Variants in GRAMD1B observed in about 807,000 individuals in gnomAD.
GRAMD1B encodes protein Aster-B.
In GRAMD1B, 37 loss-of-function variants were observed where a neutral mutation model predicts 99.7. The ratio of observed to expected loss-of-function variants is 0.37; its 90% CI spans 0.29 to 0.49. GRAMD1B has a LOEUF of 0.49. GRAMD1B is among the 20% of genes least tolerant of loss of function. The probability of loss-of-function intolerance (pLI) is 0.98; values close to 1 mark genes in which losing one functional copy is unlikely to be tolerated. For missense variants in GRAMD1B, 888 were observed against 1,009.2 expected, an observed-to-expected ratio of 0.88 and a Z score of 1.63; for synonymous variants, 427 against 387.6, an observed-to-expected ratio of 1.10 and a Z score of -1.19.
chr11:123,570,350 G>A (rs1009690427), intron 2 of GRAMD1B, among the ~76,000 whole-genome samples: 1 of 151,966 alleles, frequency 6.6e-6, no homozygotes, highest in Non-Finnish European at 1.5e-5. Flanking sequence ...CAACACCTCT[G>A]AGGAAAGTGG....
chr11:123,425,639 G>A (rs1007960618), upstream of GRAMD1B, among the ~76,000 whole-genome samples: 10 of 152,188 alleles, frequency 6.6e-5, no homozygotes, highest in Admixed American at 6.5e-4. Context: ...CCAAGGTTGA[G>A]AGCACTGCCC....
At chr11:123,608,625 C>G (rs1953077376) in intron 11 of GRAMD1B, 34 bp from the exon 12 acceptor site, 1 of 1,569,644 alleles carries the variant, frequency 6.4e-7, no homozygotes, top group Non-Finnish European at 8.6e-7. Flanking sequence ...CCTCCGCTGT[C>G]ACTGTCTACT....
rs1202871808 is a variant in GRAMD1B, at chr11:123,430,518, G to C, written c.-275G>C. 1 of 437,236 alleles carries C rather than the reference G, an allele frequency of 2.3e-6. No individual in the cohort carries two copies. The highest frequency in any genetic ancestry group is 3.8e-5 in the East Asian group (1 of 26,530). The allele number at this position is 437,236 out of a possible 1,614,324, so 27.1% of individuals were successfully genotyped here. On this transcript the variant is annotated 5_prime_UTR_variant, in exon 1 of 20. Coordinates refer to ENST00000635736, the MANE Select transcript of GRAMD1B (RefSeq NM_001387025.1). Reference sequence around the variant, plus strand: ...AGGGGAGCCCCAGGAGGGCTGCCGAGTGGCTGGCAGGCGGCTCCCGCCCCT... The same window carrying C: ...AGGGGAGCCCCAGGAGGGCTGCCGACTGGCTGGCAGGCGGCTCCCGCCCCT...
At chr11:123,412,692 T>C (rs1279457493) in intron 1 of GRAMD1B, among the ~76,000 whole-genome samples, 1 of 152,138 alleles carries the variant, frequency 6.6e-6, no homozygotes, top group Non-Finnish European at 1.5e-5. Context: ...AAACATAACA[T>C]TTTCTCCATA....
intron 9 of GRAMD1B, 75 bp downstream of exon 9, chr11:123,603,616 A>G: frequency 1.2e-6 from 1 of 822,112 alleles, no homozygotes; most frequent in South Asian, 1.4e-5. Context: ...AGGCAGAGGG[A>G]ACAGCACACA....
chr11:123,441,006 T>C lies in GRAMD1B; in HGVS notation c.374+9840T>C, dbSNP rs1051067013. ...TTCTCTTGTCTGCCACCATGTGAGA[T>C]GTGCCTTTCACCTTCCACCATGATC... On this transcript the variant is annotated intron_variant, in intron 1 of 19. Coordinates refer to ENST00000635736, the MANE Select transcript of GRAMD1B (RefSeq NM_001387025.1). Among the ~76,000 whole-genome samples, 10 of 152,210 alleles carry C rather than the reference T, an allele frequency of 6.6e-5. No individual in the cohort carries two copies. In the South Asian group the frequency reaches 8.3e-4, roughly 13 times the overall value.
rs33942028 is a variant in GRAMD1B, at chr11:123,434,230, CAAAAAAA to C, written c.374+3082_374+3088del. Among the ~76,000 whole-genome samples the C allele has an allele frequency of 1.4e-4, 10 of 73,008 alleles. No homozygotes were observed. The Admixed American group carries it at 1.7e-3, about 13-fold the overall frequency. The allele number at this position is 73,008 out of a possible 152,430, so 47.9% of individuals were successfully genotyped here. On this transcript the variant is annotated intron_variant, in intron 1 of 19. Transcript: ENST00000635736. ...GGGCAACAGAGTGAGACTCCGTTTC[CAAAAAAA>C]AAAAAAAAAAAAAAAAACCACCACC...
rs560019427 is a variant in GRAMD1B at position 123,363,287 on chromosome 11, G to A, written c.-176+4488G>A. Among the ~76,000 whole-genome samples the A allele has an allele frequency of 2.0e-4, 30 of 152,254 alleles. No homozygotes were observed. The South Asian group carries it at 4.4e-3, about 22-fold the overall frequency. On this transcript the variant is annotated intron_variant, in intron 1 of 20. Transcript: ENST00000638157. ...ATTAAACAAATGACCCCGTGATGGC[G>A]TTTTCATGAAGATTTTATCCAGCAC...
rs1414178795 is a variant in GRAMD1B, at chr11:123,613,605, C to T, written c.2174C>T (p.Pro725Leu). The change falls in exon 16 of 20, where the codon CCG becomes CTG. Residue 725 changes from proline (P) to leucine (L), a missense_variant. Coordinates refer to ENST00000635736, the MANE Select transcript of GRAMD1B (RefSeq NM_001387025.1). ...CCTCACCTGGAAGAGGTGATGAGCC[C>T]GGTCACCACGCCCACAGATGAGGAT... ...RVPHLEEVMS[P>L]VTTPTDEDVG... 16 of 1,613,748 alleles carry T rather than the reference C, an allele frequency of 9.9e-6. No homozygotes were observed. The highest frequency in any genetic ancestry group is 6.7e-5 in the African/African-American group (5 of 74,908).
At chr11:123,419,180 C>T (rs192121288) in intron 1 of GRAMD1B, among the ~76,000 whole-genome samples, 2 of 152,286 alleles carry the variant, frequency 1.3e-5, no homozygotes, top group South Asian at 4.1e-4. Context: ...AGACTTGCTA[C>T]ATATAGAACT....
chr11:123,556,096 T>C (rs1946148401), intron 2 of GRAMD1B, among the ~76,000 whole-genome samples: 1 of 152,208 alleles, frequency 6.6e-6, no homozygotes, highest in Non-Finnish European at 1.5e-5. Context: ...AATGGTGAAT[T>C]CTCAGTAACT....
chr11:123,561,276 G>T (rs1040776201), intron 2 of GRAMD1B, among the ~76,000 whole-genome samples: 1 of 152,160 alleles, frequency 6.6e-6, no homozygotes, highest in South Asian at 2.1e-4. Context: ...GCTTCCCTCC[G>T]CAGTGCCTCC....
At chr11:123,552,273 CTTT>C (rs71060514) in intron 2 of GRAMD1B, among the ~76,000 whole-genome samples, 377 of 119,354 alleles carry the variant, frequency 3.2e-3, no homozygotes, top group Middle Eastern at 9.1e-3. Context: ...CTCTTTCTTT[CTTT>C]TTTTTTTTTT....
chr11:123,543,865 T>C (rs1483939900), intron 2 of GRAMD1B, among the ~76,000 whole-genome samples: 2 of 152,252 alleles, frequency 1.3e-5, no homozygotes, highest in Non-Finnish European at 1.5e-5. Flanking sequence ...TTGTTGTCTG[T>C]GACTGCTCTT....
At chr11:123,462,877 A>AT (rs1950491709) in intron 1 of GRAMD1B, among the ~76,000 whole-genome samples, 1 of 118,228 alleles carries the variant, frequency 8.5e-6, no homozygotes, top group African/African-American at 3.5e-5. Flanking sequence ...AGAATTATCA[A>AT]TAAAAAAATA....
At chr11:123,513,782 G>A (rs1941401537) in intron 2 of GRAMD1B, among the ~76,000 whole-genome samples, 1 of 151,610 alleles carries the variant, frequency 6.6e-6, no homozygotes, top group African/African-American at 2.4e-5. Flanking sequence ...TCAGCCTCCT[G>A]AGCAGGTGGG....
chr11:123,518,110 C>A (rs1941852502), intron 2 of GRAMD1B, among the ~76,000 whole-genome samples: 2 of 152,196 alleles, frequency 1.3e-5, no homozygotes, highest in African/African-American at 4.8e-5. Context: ...AACGGCCCCT[C>A]TCCTGGTTGT....
chr11:123,533,909 C>CA (rs1311985571), intron 2 of GRAMD1B, among the ~76,000 whole-genome samples: 2 of 152,230 alleles, frequency 1.3e-5, no homozygotes, highest in Admixed American at 6.5e-5. Context: ...TTAACTACCA[C>CA]AATTACAAAG....
chr11:123,594,044 C>T lies in GRAMD1B; in HGVS notation c.685-38C>T, dbSNP rs149364027. ...CCCTTCCTTCCTAACCCCACAGAAC[C>T]GGGGTACATCCTACTAACCTTGGCT... On this transcript the variant is annotated intron_variant, in intron 4 of 19. Transcript: ENST00000635736. 83 of 1,370,798 alleles carry T rather than the reference C, an allele frequency of 6.1e-5. No individual in the cohort carries two copies. The Admixed American group carries it at 9.7e-4, about 16-fold the overall frequency. The allele number at this position is 1,370,798 out of a possible 1,614,324, so 84.9% of individuals were successfully genotyped here.
Sources: allele counts gnomAD v4.1 joint callset (sites outside exome capture counted in the v4.1 genomes callset), GRCh38; gene constraint gnomAD v4.1.1; transcripts MANE v1.5; gene names NCBI Gene and HGNC (gene_info 2026-07-23, HGNC 2026-07-21).